The following ATR variants were observed in gnomAD, a reference collection of about 807,000 sequenced individuals.
The protein encoded by ATR is serine/threonine-protein kinase ATR.
Under a neutral mutation model 305.3 loss-of-function variants are expected in ATR, and 142 were observed. That is an observed-to-expected ratio of 0.47 (90% CI 0.41 to 0.53). ATR has a LOEUF of 0.53. Ranked by LOEUF, ATR falls within the 20% of genes least tolerant of loss-of-function variation. The pLI is 0.00. For missense variants in ATR, 2,135 were observed against 3,133.1 expected, an observed-to-expected ratio of 0.68 and a Z score of 7.60; for synonymous variants, 1,050 against 1,068.1, an observed-to-expected ratio of 0.98 and a Z score of 0.33.
chr3:142,522,298 A>C (rs1444068177), intron 23 of ATR, among the ~76,000 whole-genome samples: 1 of 152,230 alleles, frequency 6.6e-6, no homozygotes, highest in Non-Finnish European at 1.5e-5. Flanking sequence ...ATGCACTGGG[A>C]AACTGAAGAA....
At chr3:142,537,511 T>G (rs1490745535) in intron 19 of ATR, among the ~76,000 whole-genome samples, 1 of 152,150 alleles carries the variant, frequency 6.6e-6, no homozygotes. Context: ...AATTAGTGAT[T>G]TTGTTGTTTT....
chr3:142,571,507 A>C (rs913693617), intron 1 of ATR, among the ~76,000 whole-genome samples: 1 of 143,066 alleles, frequency 7.0e-6, no homozygotes, highest in Non-Finnish European at 1.6e-5. Flanking sequence ...AAATAAATAA[A>C]TAATCAAAAG....
chr3:142,453,000 G>A, intron 46 of ATR, 128 bp downstream of exon 46: 3 of 1,532,376 alleles, frequency 2.0e-6, no homozygotes, highest in Non-Finnish European at 2.6e-6. Context: ...AGATTTCAGA[G>A]TAATCAATAG....
chr3:142,449,972 T>C (rs2070750433), intron 46 of ATR: 1 of 335,000 alleles, frequency 3.0e-6, no homozygotes, highest in Admixed American at 4.3e-5. Flanking sequence ...ATTTACATTA[T>C]GTTAGTACAT....
intron 35 of ATR, among the ~76,000 whole-genome samples, chr3:142,487,121 G>C (rs1376281888): frequency 2.6e-5 from 4 of 152,116 alleles, no homozygotes; most frequent in Admixed American, 2.6e-4. Flanking sequence ...GACAGAGCGA[G>C]ACACCATCTC....
In ATR at chr3:142,568,063, C is replaced by G; in HGVS notation, c.151G>C (p.Val51Leu). ...ATATAAGAAATAATTGGTTTCTTAC[C>G]AACATTTACATCTGTAAGTATCCGG... ...IDRILTDVNV[V>L]AVELVKKTDS... The change falls in exon 2 of 47, where the codon GTT becomes CTT. Residue 51 changes from valine (V) to leucine (L), a missense_variant and splice_region_variant. By Grantham distance (32) the Val-to-Leu change is conservative. Coordinates refer to ENST00000350721, the MANE Select transcript of ATR (RefSeq NM_001184.4). 6.3e-7 allele frequency: 1 copy of G among 1,598,654 alleles called. No individual in the cohort carries two copies. The highest frequency in any genetic ancestry group is 8.5e-7 in the Non-Finnish European group (1 of 1,170,728).
At chr3:142,542,896 G>T (rs2034106596) in intron 16 of ATR, 139 bp from the exon 17 acceptor site, 10 of 722,710 alleles carry the variant, frequency 1.4e-5, no homozygotes, top group Non-Finnish European at 2.1e-5. Context: ...GGTTAATTAA[G>T]TTTCTCCAAA....
At position 142,515,534 on chromosome 3, in the gene ATR, G is replaced by C; in HGVS notation, c.4383-19C>G. ...CTTGTATCTGTAATTTTGAAAATTT[G>C]TTTATTAAAAAGATAAATCCACCTG... On this transcript the variant is annotated intron_variant, in intron 24 of 46. Transcript: ENST00000350721. 1 of 1,600,722 alleles carries C rather than the reference G, an allele frequency of 6.2e-7. No homozygotes were observed. The highest frequency in any genetic ancestry group is 8.6e-7 in the Non-Finnish European group (1 of 1,169,038).
chr3:142,467,574 G>T (rs2071159515), intron 39 of ATR, among the ~76,000 whole-genome samples: 1 of 152,006 alleles, frequency 6.6e-6, no homozygotes, highest in Admixed American at 6.6e-5. Context: ...TTAAAGATAT[G>T]ATATAATCAT....
chr3:142,490,261 G>T (rs2031199512), intron 35 of ATR, among the ~76,000 whole-genome samples: 1 of 152,070 alleles, frequency 6.6e-6, no homozygotes, highest in South Asian at 2.1e-4. Flanking sequence ...TCACTATATT[G>T]CCCAGGCTGG....
At position 142,496,429 on chromosome 3, in the gene ATR, G is replaced by C. The variant is rs747178249; in HGVS notation, c.5830C>G (p.Leu1944Val). Residue 1944 changes from leucine to valine, a missense_variant, in exon 34 of 47, where the codon CTC becomes GTC. Physicochemically the swap from Leu to Val is conservative, Grantham distance 32 (BLOSUM62 1). Coordinates refer to ENST00000350721, the MANE Select transcript of ATR (RefSeq NM_001184.4). ...AGTCGTGATTCCCCTGCATTAAGGAGAGCATTGTAGGCTGTCTGGTGGTGA... is the reference window on the plus strand; with the variant it reads ...AGTCGTGATTCCCCTGCATTAAGGACAGCATTGTAGGCTGTCTGGTGGTGA... Reference protein sequence around the residue: ...AGHHQTAYNALLNAGESRLAE... With the variant: ...AGHHQTAYNAVLNAGESRLAE... 1 of 1,610,690 alleles carries C rather than the reference G, an allele frequency of 6.2e-7. No homozygotes were observed. The highest frequency in any genetic ancestry group is 2.2e-5 in the East Asian group (1 of 44,674).
At chr3:142,467,499 A>G (rs1411893330) in intron 39 of ATR, among the ~76,000 whole-genome samples, 1 of 152,170 alleles carries the variant, frequency 6.6e-6, no homozygotes. Flanking sequence ...AAGAATGAAA[A>G]GCAAAACCCC....
intron 35 of ATR, among the ~76,000 whole-genome samples, chr3:142,486,318 T>C (rs1559929682): frequency 6.6e-6 from 1 of 152,126 alleles, no homozygotes; most frequent in Non-Finnish European, 1.5e-5. Context: ...GAGGACAGAA[T>C]GATATGATTA....
intron 1 of ATR, among the ~76,000 whole-genome samples, 162 bp downstream of exon 1, chr3:142,578,484 T>C (rs1384167266): frequency 6.6e-6 from 1 of 152,168 alleles, no homozygotes; most frequent in African/African-American, 2.4e-5. Context: ...ACGGGCACTC[T>C]GAGGGAGAAG....
intron 35 of ATR, among the ~76,000 whole-genome samples, chr3:142,486,625 C>T (rs1455103455): frequency 2.6e-5 from 4 of 152,094 alleles, no homozygotes; most frequent in African/African-American, 9.7e-5. Flanking sequence ...TCCTTCCTCC[C>T]TCTCTTCTCT....
intron 36 of ATR, among the ~76,000 whole-genome samples, chr3:142,472,785 A>G (rs2071321361): frequency 1.3e-5 from 2 of 152,004 alleles, no homozygotes; most frequent in South Asian, 4.1e-4. Context: ...CTGCAGGTGC[A>G]TACCACCACG....
chr3:142,528,341 A>C (rs901239618), intron 21 of ATR, among the ~76,000 whole-genome samples: 2 of 152,018 alleles, frequency 1.3e-5, no homozygotes, highest in African/African-American at 4.8e-5. Context: ...ATATCTTCTT[A>C]AGCTTCTTAT....
rs1438969316 is a variant in ATR at position 142,536,072 on chromosome 3, A to G, written c.3819+36T>C. On this transcript the variant is annotated intron_variant, in intron 20 of 46. Coordinates refer to ENST00000350721, the MANE Select transcript of ATR (RefSeq NM_001184.4). ...TGGAACTTGGGAACAATTCTGTATT[A>G]ATGATCTCCTAAACCACAAATTAAA... is the stretch of plus-strand genomic sequence containing the variant. 4 of 1,374,466 alleles carry G rather than the reference A, an allele frequency of 2.9e-6. No homozygotes were observed. The South Asian group carries it at 4.7e-5, about 16-fold the overall frequency. The allele number at this position is 1,374,466 out of a possible 1,614,324, so 85.1% of individuals were successfully genotyped here.
rs756859157 is a variant in ATR at position 142,536,200 on chromosome 3, C to A, written c.3727G>T (p.Asp1243Tyr). 7 of 1,552,674 alleles carry A rather than the reference C, an allele frequency of 4.5e-6. No individual in the cohort carries two copies. In the Admixed American group the frequency reaches 6.7e-5, roughly 15 times the overall value. The change falls in exon 20 of 47, where the codon GAT becomes TAT. Residue 1243 changes from aspartate to tyrosine, a missense_variant and splice_region_variant. By Grantham distance (160) the Asp-to-Tyr change is radical. Transcript: ENST00000350721. Reference sequence around the variant, plus strand: ...TCATGAAGAAAATCTTGCACAGCATCCCTAATAGTTAGTTGGAATAAAAAG... The same window carrying A: ...TCATGAAGAAAATCTTGCACAGCATACCTAATAGTTAGTTGGAATAAAAAG... ...IFHYLIIENRDAVQDFLHEIY... is the reference protein window; with the variant it reads ...IFHYLIIENRYAVQDFLHEIY...
Sources: gnomAD v4.1 joint callset for allele counts (sites outside exome capture counted in the v4.1 genomes callset) on GRCh38, gnomAD v4.1.1 for gene constraint, MANE v1.5 for transcripts, NCBI Gene and HGNC (gene_info 2026-07-23, HGNC 2026-07-21) for gene names.